The following CAT variants were observed in gnomAD, a reference collection of about 807,000 sequenced individuals.
CAT encodes epididymis secretory sperm binding protein.
Under a neutral mutation model 59.0 loss-of-function variants are expected in CAT, and 43 were observed. The observed-to-expected ratio is 0.73, with a 90% CI of 0.57 to 0.94. The LOEUF (loss-of-function observed/expected upper bound fraction) is 0.94, where lower values mean the gene tolerates loss of function less well. Among genes scored for constraint, CAT ranks in the 40% least tolerant of loss-of-function variants. The pLI is 0.00. For missense variants in CAT, 664 were observed against 682.9 expected (o/e 0.97, Z 0.31); for synonymous variants, 218 against 230.9 (o/e 0.94, Z 0.51).
chr11:34,458,080 C>G (rs1014792458), intron 8 of CAT, among the ~76,000 whole-genome samples: 10 of 152,134 alleles, frequency 6.6e-5, no homozygotes, highest in Non-Finnish European at 1.2e-4. Flanking sequence ...CCATGGTGAT[C>G]CAGAAAGCAA....
At chr11:34,468,107 G>T (rs1277119589) in intron 10 of CAT, among the ~76,000 whole-genome samples, 181 bp from the exon 11 acceptor site, 1 of 152,148 alleles carries the variant, frequency 6.6e-6, no homozygotes, top group Non-Finnish European at 1.5e-5. Flanking sequence ...ATTAACAAAT[G>T]AATTTTACTT....
At chr11:34,444,824 A>T (rs1281957631) in intron 1 of CAT, among the ~76,000 whole-genome samples, 1 of 152,240 alleles carries the variant, frequency 6.6e-6, no homozygotes, top group East Asian at 1.9e-4. Flanking sequence ...TCTGGCCAAA[A>T]GAAGCCTATA....
rs755616833 is a variant in CAT at position 34,471,379 on chromosome 11, C to T, written c.1530C>T (p.His510=). ...YNAEKPKNAI[H]TFVQSGSHLA... Reference sequence around the variant, plus strand: ...TTCTTTTAAAACAGAATGCGATTCACACCTTTGTGCAGTCCGGATCTCACT... The same window carrying T: ...TTCTTTTAAAACAGAATGCGATTCATACCTTTGTGCAGTCCGGATCTCACT... Residue 510 remains histidine (H), a synonymous_variant, in exon 13 of 13, where the codon CAC becomes CAT. Coordinates refer to ENST00000241052, the MANE Select transcript of CAT (RefSeq NM_001752.4). 31 of 1,613,792 alleles carry T rather than the reference C, an allele frequency of 1.9e-5. No individual in the cohort carries two copies. Among genetic ancestry groups the T allele is most frequent in the Non-Finnish European group, 2.6e-5 (31 of 1,179,794 alleles).
chr11:34,453,070 T>TC lies in CAT; in HGVS notation c.481-19dup, dbSNP rs777170926. On this transcript the variant is annotated intron_variant, in intron 4 of 12. Coordinates refer to ENST00000241052, the MANE Select transcript of CAT (RefSeq NM_001752.4). ...TGTAAACTTAGTTTTTGGATTTTTT[T>TC]CTCTCTTTTTTCTATTTAGTTTCCA... The TC allele has an allele frequency of 6.6e-7, 1 of 1,511,528 alleles. No homozygotes were observed. The highest frequency in any genetic ancestry group is 1.7e-5 in the Admixed American group (1 of 59,822). 93.6% of individuals were successfully genotyped at this position (1,511,528 alleles called of 1,614,324 possible).
intron 1 of CAT, among the ~76,000 whole-genome samples, chr11:34,448,513 T>C (rs565673859): frequency 1.3e-5 from 2 of 152,316 alleles, no homozygotes; most frequent in South Asian, 4.1e-4. Context: ...TAACTGAAAT[T>C]GGAGAATCAG....
intron 2 of CAT, 85 bp from the exon 3 acceptor site, chr11:34,450,903 T>G (rs1282801470): frequency 4.5e-6 from 4 of 898,590 alleles, no homozygotes; most frequent in Non-Finnish European, 7.6e-6. Context: ...AACCATCATT[T>G]TCTCTTGTCA....
intron 1 of CAT, among the ~76,000 whole-genome samples, chr11:34,446,063 C>A (rs1026613923): frequency 2.0e-5 from 3 of 152,140 alleles, no homozygotes; most frequent in African/African-American, 7.2e-5. Context: ...TTAAATACAC[C>A]GCATCCTGCT....
At chr11:34,455,910 C>G in intron 6 of CAT, 101 bp from the exon 7 acceptor site, 1 of 914,528 alleles carries the variant, frequency 1.1e-6, no homozygotes, top group Non-Finnish European at 1.8e-6. Context: ...AAAGTTCATT[C>G]TTTGGGCAGT....
intron 1 of CAT, among the ~76,000 whole-genome samples, chr11:34,443,591 A>G (rs1856416270): frequency 6.7e-6 from 1 of 149,192 alleles, no homozygotes; most frequent in African/African-American, 2.5e-5. Flanking sequence ...TTTTAAGTGC[A>G]GCTTGCTGCC....
At position 34,449,217 on chromosome 11, in the gene CAT, C is replaced by T. The variant is rs563283646; in HGVS notation, c.92C>T (p.Ala31Val). The T allele has an allele frequency of 2.5e-6, 4 of 1,613,986 alleles. No individual in the cohort carries two copies. In the South Asian group the frequency reaches 4.4e-5, roughly 18 times the overall value. Residue 31 changes from alanine to valine, a missense_variant, in exon 2 of 13, where the codon GCT becomes GTT. Coordinates refer to ENST00000241052, the MANE Select transcript of CAT (RefSeq NM_001752.4). ...AAAGCTGATGTCCTGACCACTGGAG[C>T]TGGTAACCCAGTAGGAGACAAACTT... The part of the protein sequence containing the change: ...AQKADVLTTG[A>V]GNPVGDKLNV...
intron 11 of CAT, among the ~76,000 whole-genome samples, chr11:34,470,457 G>T (rs974773118): frequency 2.6e-5 from 4 of 152,070 alleles, no homozygotes; most frequent in African/African-American, 7.2e-5. Context: ...ATGGGTGATT[G>T]AATACAATCT....
intron 11 of CAT, among the ~76,000 whole-genome samples, chr11:34,469,332 GAA>G (rs1856751167): frequency 6.6e-6 from 1 of 152,148 alleles, no homozygotes; most frequent in African/African-American, 2.4e-5. Flanking sequence ...TTACTGGAGA[GAA>G]TGGATACGAC....
chr11:34,449,136 A>G, intron 1 of CAT, 56 bp from the exon 2 acceptor site: 1 of 1,455,566 alleles, frequency 6.9e-7, no homozygotes, highest in Non-Finnish European at 9.7e-7. Flanking sequence ...GTGACAGTGT[A>G]AATGAAAGGT....
chr11:34,468,304 T>G lies in CAT; in HGVS notation c.1343T>G (p.Val448Gly), dbSNP rs1311574528. ...TCTGAGCAGGTGCGGGCATTCTATG[T>G]GAACGTGCTGAATGAGGAACAGAGG... is the stretch of plus-strand genomic sequence containing the variant. ...DNVTQVRAFY[V>G]NVLNEEQRKR... is the part of the protein sequence containing the mutation. The change falls in exon 11 of 13, where the codon GTG becomes GGG. Residue 448 changes from valine (V) to glycine (G), a missense_variant. By Grantham distance (109) the Val-to-Gly change is moderately radical. Coordinates refer to ENST00000241052, the MANE Select transcript of CAT (RefSeq NM_001752.4). 1 of 1,613,950 alleles carries G rather than the reference T, an allele frequency of 6.2e-7. No individual in the cohort carries two copies. Among genetic ancestry groups the G allele is most frequent in the Non-Finnish European group, 8.5e-7 (1 of 1,179,820 alleles).
intron 9 of CAT, among the ~76,000 whole-genome samples, chr11:34,463,014 A>G (rs749637666): frequency 1.3e-5 from 2 of 152,138 alleles, no homozygotes; most frequent in Non-Finnish European, 2.9e-5. Context: ...TCCTTCCCCT[A>G]CACACACACT....
intron 8 of CAT, among the ~76,000 whole-genome samples, chr11:34,457,235 C>CA (rs1225752808): frequency 1.2e-5 from 1 of 83,756 alleles, no homozygotes; most frequent in Admixed American, 1.9e-4. Flanking sequence ...TTTTTTGTGA[C>CA]AGAGTCTTGC....
chr11:34,464,495 T>C lies in CAT; in HGVS notation c.1326+260T>C, dbSNP rs2133858377. ...ATTGAAGGGATATGGGGAGGGGGCA[T>C]TGGGGAAACAGTTATCTCATGGGAA... is the stretch of plus-strand genomic sequence containing the variant. On this transcript the variant is annotated intron_variant, in intron 10 of 12. Coordinates refer to ENST00000241052, the MANE Select transcript of CAT (RefSeq NM_001752.4). 2.6e-5 allele frequency among the ~76,000 whole-genome samples: 4 copies of C among 152,302 alleles called. No homozygotes were observed. The Middle Eastern group carries it at 0.01, about 389-fold the overall frequency.
chr11:34,461,344 G>C lies in CAT; in HGVS notation c.1150G>C (p.Ala384Pro), dbSNP rs2133856903. ...PVNCPYRARVANYQRDGPMCM... is the reference protein window; with the variant it reads ...PVNCPYRARVPNYQRDGPMCM... ...GAACTGTCCCTACCGTGCTCGAGTGGCCAACTACCAGCGTGACGGCCCGAT... is the reference window on the plus strand; with the variant it reads ...GAACTGTCCCTACCGTGCTCGAGTGCCCAACTACCAGCGTGACGGCCCGAT... Residue 384 changes from alanine (A) to proline (P), a missense_variant, in exon 9 of 13, where the codon GCC becomes CCC. Transcript: ENST00000241052. The C allele has an allele frequency of 6.2e-7, 1 of 1,614,208 alleles. No homozygotes were observed. The highest frequency in any genetic ancestry group is 8.5e-7 in the Non-Finnish European group (1 of 1,180,028).
rs952470241 is a variant in CAT at position 34,452,793 on chromosome 11, T to C, written c.481-297T>C. On this transcript the variant is annotated intron_variant, in intron 4 of 12. Transcript: ENST00000241052. ...TTGCTTGAGCCCAGGAGGTCAAAGC[T>C]GCAGTGAGCTGTGATCATGCCATTG... Among the ~76,000 whole-genome samples the C allele has an allele frequency of 7.3e-5, 11 of 151,158 alleles. No homozygotes were observed. The East Asian group carries it at 2.1e-3, about 29-fold the overall frequency.
Sources: gnomAD v4.1 joint callset for allele counts (sites outside exome capture counted in the v4.1 genomes callset) on GRCh38, gnomAD v4.1.1 for gene constraint, MANE v1.5 for transcripts, NCBI Gene and HGNC (gene_info 2026-07-23, HGNC 2026-07-21) for gene names.